Variants in FRY observed in about 807,000 individuals in gnomAD.
The protein encoded by FRY is FRY microtubule binding protein, also known as protein furry homolog.
Under a neutral mutation model 348.4 loss-of-function variants are expected in FRY, and 128 were observed. The ratio of observed to expected loss-of-function variants is 0.37; its 90% confidence interval spans 0.32 to 0.43. The LOEUF is 0.43. FRY is among the 20% of genes least tolerant of loss of function. The probability of loss-of-function intolerance (pLI) is 1.00; values close to 1 mark genes in which losing one functional copy is unlikely to be tolerated. For synonymous variants in FRY, 1,370 were observed against 1,374.7 expected (o/e 1.00, Z 0.08); for missense variants, 2,736 against 3,695.2 (o/e 0.74, Z 6.73).
rs757191288 is a variant in FRY at position 32,124,392 on chromosome 13, A to G, written c.555+16A>G. On this transcript the variant is annotated intron_variant, in intron 5 of 60. Transcript: ENST00000542859. ...TTTGAAACAGGTAGGTGATTAATTT[A>G]TTGTTACTTTTAGATAATATTTATT... 9.8e-6 allele frequency: 13 copies of G among 1,323,536 alleles called. 1 individual carries two copies. In the South Asian group the frequency reaches 1.5e-4, roughly 16 times the overall value. The allele number at this position is 1,323,536 out of a possible 1,614,324, so 82.0% of individuals were successfully genotyped here. A position where few individuals can be genotyped will look rare whatever the true frequency, so the allele number is the denominator to read the frequency against.
intron 1 of FRY, among the ~76,000 whole-genome samples, chr13:32,051,646 A>G (rs1234305729): frequency 6.6e-6 from 1 of 152,208 alleles, no homozygotes; most frequent in East Asian, 1.9e-4. Context: ...TTTCAATTCA[A>G]TTTTACCAGC....
At chr13:32,171,836 T>C (rs1882089872) in intron 18 of FRY, among the ~76,000 whole-genome samples, 1 of 20,700 alleles carries the variant, frequency 4.8e-5, no homozygotes, top group Admixed American at 5.0e-4. Context: ...TTCAGAGAAG[T>C]ATGATTGCAA....
intron 17 of FRY, among the ~76,000 whole-genome samples, chr13:32,165,595 C>A (rs1390368142): frequency 6.6e-6 from 1 of 152,200 alleles, no homozygotes; most frequent in Non-Finnish European, 1.5e-5. Context: ...TCTTCCTCCA[C>A]GGCCCTTGTT....
intron 17 of FRY, among the ~76,000 whole-genome samples, chr13:32,166,308 G>A (rs190904901): frequency 1.2e-4 from 18 of 152,266 alleles, no homozygotes; most frequent in East Asian, 1.2e-3. Context: ...TTATAACTGC[G>A]TCTGTTTAAT....
intron 1 of FRY, among the ~76,000 whole-genome samples, chr13:32,042,642 T>A (rs563403816): frequency 4.6e-5 from 7 of 152,280 alleles, no homozygotes; most frequent in African/African-American, 1.7e-4. Context: ...GTTCCAAATA[T>A]CTTTGCTTCA....
intron 55 of FRY, among the ~76,000 whole-genome samples, chr13:32,274,082 G>A (rs1034731982): frequency 2.0e-5 from 3 of 152,150 alleles, no homozygotes; most frequent in Admixed American, 6.5e-5. Context: ...AAGCATCCAC[G>A]CATTGGGAAA....
chr13:32,094,177 A>C (rs527712115), intron 2 of FRY, among the ~76,000 whole-genome samples: 16 of 152,246 alleles, frequency 1.1e-4, no homozygotes, highest in African/African-American at 3.9e-4. Context: ...CTGCAAGCAG[A>C]AGCATACCTT....
chr13:32,182,784 G>T (rs1193784131), intron 23 of FRY, among the ~76,000 whole-genome samples, 193 bp from the exon 24 acceptor site: 1 of 152,156 alleles, frequency 6.6e-6, no homozygotes, highest in East Asian at 1.9e-4. Flanking sequence ...ATTAAGACCA[G>T]TAATACAAAG....
intron 4 of FRY, among the ~76,000 whole-genome samples, chr13:32,118,314 T>C (rs952442074): frequency 1.3e-5 from 2 of 152,204 alleles, no homozygotes; most frequent in African/African-American, 4.8e-5. Flanking sequence ...AAAAATACTT[T>C]TAAAGTCTGT....
At chr13:32,151,389 C>T (rs1006743571) in intron 14 of FRY, among the ~76,000 whole-genome samples, 1 of 152,198 alleles carries the variant, frequency 6.6e-6, no homozygotes, top group Non-Finnish European at 1.5e-5. Flanking sequence ...ATTCATTTAT[C>T]AGTAGTTGGT....
At chr13:32,158,009 C>T (rs776092227) in intron 16 of FRY, among the ~76,000 whole-genome samples, 6 of 152,176 alleles carry the variant, frequency 3.9e-5, no homozygotes, top group Non-Finnish European at 7.3e-5. Flanking sequence ...AATTAAATTA[C>T]ATTTGATAGC....
intron 47 of FRY, among the ~76,000 whole-genome samples, chr13:32,245,999 C>T (rs534493617): frequency 1.6e-4 from 24 of 152,260 alleles, no homozygotes; most frequent in Non-Finnish European, 3.1e-4. Flanking sequence ...TTTCAAGTGG[C>T]GTTGCTGCAT....
At chr13:32,127,685 A>AGGAGAATCGCTTGAACCC (rs1879106476) in intron 7 of FRY, among the ~76,000 whole-genome samples, 1 of 152,148 alleles carries the variant, frequency 6.6e-6, no homozygotes, top group Non-Finnish European at 1.5e-5. Context: ...AGACTGAGGC[A>AGGAGAATCGCTTGAACCC]GGAGAATCGC....
intron 54 of FRY, 50 bp downstream of exon 54, chr13:32,265,666 T>G: frequency 4.5e-6 from 7 of 1,544,300 alleles, no homozygotes; most frequent in Non-Finnish European, 6.2e-6. Context: ...CATGGTACAT[T>G]ATATGGCATT....
Position 32,178,453 on chromosome 13 carries a change from T to C in FRY, c.2681+17T>C, listed in dbSNP as rs1216260084. The stretch of plus-strand genomic sequence containing the variant: ...GGACCCAAAGTAAGGGATTCTTGTG[T>C]TTTCCTCTGCCCTCTTGTTTTTCCA... On this transcript the variant is annotated intron_variant, in intron 21 of 60. Transcript: ENST00000542859. 2.5e-6 allele frequency: 4 copies of C among 1,613,706 alleles called. No individual in the cohort carries two copies. The Admixed American group carries it at 6.7e-5, about 27-fold the overall frequency.
At chr13:32,150,912 A>C (rs1880750565) in intron 14 of FRY, among the ~76,000 whole-genome samples, 1 of 152,156 alleles carries the variant, frequency 6.6e-6, no homozygotes, top group Admixed American at 6.5e-5. Context: ...AAAAAGTCCA[A>C]AAATGGGAGT....
In FRY at chr13:32,155,410, A is replaced by G; in HGVS notation, c.1480-81A>G. 3.0e-6 allele frequency: 3 copies of G among 995,990 alleles called. No homozygotes were observed. The South Asian group carries it at 3.8e-5, about 13-fold the overall frequency. 61.7% of individuals were successfully genotyped at this position (995,990 alleles called of 1,614,324 possible). On this transcript the variant is annotated intron_variant, in intron 14 of 60. Coordinates refer to ENST00000542859, the MANE Select transcript of FRY (RefSeq NM_023037.3). ...ACTCATCTACATGCAATTCAGTCTT[A>G]ACTATCTGAAAGACTTATGGATGTA... is the stretch of plus-strand genomic sequence containing the variant.
At position 32,116,791 on chromosome 13, in the gene FRY, CAG is replaced by C. The variant is rs1215906993; in HGVS notation, c.325-542_325-541del. On this transcript the variant is annotated intron_variant, in intron 3 of 60. Transcript: ENST00000542859. ...AGGGAGAAGTTTGCCTTTAATGTAA[CAG>C]GGGGTAAATTATTGCTGCCCATTTA... is the stretch of plus-strand genomic sequence containing the variant. 1.4e-4 allele frequency among the ~76,000 whole-genome samples: 22 copies of C among 152,122 alleles called. 1 individual carries two copies. In the South Asian group the frequency reaches 4.2e-3, roughly 29 times the overall value.
chr13:32,078,645 A>C (rs910949432), intron 1 of FRY, among the ~76,000 whole-genome samples, 189 bp from the exon 2 acceptor site: 1 of 152,258 alleles, frequency 6.6e-6, no homozygotes, highest in Non-Finnish European at 1.5e-5. Flanking sequence ...CAAATGTGGT[A>C]TAACACAAAC....
Sources: allele counts gnomAD v4.1 joint callset (sites outside exome capture counted in the v4.1 genomes callset), GRCh38; gene constraint gnomAD v4.1.1; transcripts MANE v1.5; gene names NCBI Gene and HGNC (gene_info 2026-07-23, HGNC 2026-07-21).